BTK: variants seen among roughly 807,000 people sequenced by gnomAD.
BTK encodes tyrosine-protein kinase BTK.
BTK carries 5 observed loss-of-function variants against 57.4 expected under a neutral mutation model. That is an observed-to-expected ratio of 0.09 (90% confidence interval 0.05 to 0.18). BTK has a LOEUF of 0.18. BTK is among the 10% of genes least tolerant of loss of function. The pLI is 1.00. For missense variants in BTK, 194 were observed against 501.2 expected (o/e 0.39, Z 5.85); for synonymous variants, 154 against 174.3 (o/e 0.88, Z 0.92).
At chrX:101,378,538 C>T (rs1383256342) in intron 1 of BTK, among the ~76,000 whole-genome samples, 2 of 109,632 alleles carry the variant, frequency 1.8e-5, no homozygotes, top group African/African-American at 6.7e-5. Context: ...GACACACACA[C>T]ACACACACAC....
In BTK at chrX:101,363,710, A is replaced by AC. The variant is rs782760202; in HGVS notation, c.392-1022_392-1021insG. Among the ~76,000 whole-genome samples, 4 of 104,201 alleles carry AC rather than the reference A, an allele frequency of 3.8e-5. No individual in the cohort carries two copies. The South Asian group carries it at 1.2e-3, about 32-fold the overall frequency. 90.5% of individuals were successfully genotyped at this position (104,201 alleles called of 115,157 possible). ...GACAGTGTGAGACTCTGTCTCAACA[A>AC]AAAAAAAAAAAAAGAAAAGTCATCC... is the stretch of plus-strand genomic sequence containing the variant. On this transcript the variant is annotated intron_variant, in intron 5 of 18. Coordinates refer to ENST00000308731, the MANE Select transcript of BTK (RefSeq NM_000061.3).
chrX:101,353,848 C>G (rs370315801), intron 17 of BTK, 22 bp downstream of exon 17: 15 of 1,104,738 alleles, frequency 1.4e-5, no homozygotes, highest in Non-Finnish European at 1.9e-5. Context: ...GCTGTATAAT[C>G]TGTGTAATCT....
At chrX:101,376,484 G>A (rs1175378772) in intron 1 of BTK, among the ~76,000 whole-genome samples, 3 of 111,150 alleles carry the variant, frequency 2.7e-5, no homozygotes, top group African/African-American at 9.8e-5. Context: ...AAAAATAGCC[G>A]GGCGTAGTGG....
chrX:101,358,782 GAAC>G, intron 10 of BTK, 86 bp from the exon 11 acceptor site: 1 of 772,723 alleles, frequency 1.3e-6, no homozygotes, highest in Non-Finnish European at 2.0e-6. Flanking sequence ...AGAGAAAATA[GAAC>G]AACCCCTGAT....
At chrX:101,370,137 C>A in intron 4 of BTK, 58 bp from the exon 5 acceptor site, 1 of 895,997 alleles carries the variant, frequency 1.1e-6, no homozygotes. Context: ...GGAGAAAGAC[C>A]TTGAAAGTAC....
intron 3 of BTK, 38 bp from the exon 4 acceptor site, chrX:101,371,739 C>G: frequency 9.2e-7 from 1 of 1,092,159 alleles, no homozygotes; most frequent in Non-Finnish European, 1.3e-6. Context: ...TTGGTTGATG[C>G]ATTGCTCTTT....
At position 101,375,218 on chromosome X, in the gene BTK, G is replaced by A. The variant is rs1927169336; in HGVS notation, c.67C>T (p.Leu23=). The A allele has an allele frequency of 8.3e-7, 1 of 1,211,692 alleles. No individual in the cohort carries two copies. The highest frequency in any genetic ancestry group is 1.1e-6 in the Non-Finnish European group (1 of 895,385). ...AGAAACAGGCGCTTCTTGAAGTTTAGAGGTGATGTTTTCTTTTTCTGTTGG... is the reference window on the plus strand; with the variant it reads ...AGAAACAGGCGCTTCTTGAAGTTTAAAGGTGATGTTTTCTTTTTCTGTTGG... ...RSQQKKKTSP[L]NFKKRLFLLT... The change falls in exon 2 of 19, where the codon CTA becomes TTA. Residue 23 remains leucine (L), a synonymous_variant. Transcript: ENST00000308731.
At chrX:101,354,946 A>G (rs1211108949) in intron 15 of BTK, among the ~76,000 whole-genome samples, 1 of 112,249 alleles carries the variant, frequency 8.9e-6, no homozygotes, top group East Asian at 2.8e-4. Context: ...CTCATGGGCA[A>G]TTCCACACCA....
intron 1 of BTK, among the ~76,000 whole-genome samples, chrX:101,382,260 G>T (rs1374579464): frequency 1.8e-5 from 2 of 110,530 alleles, no homozygotes; most frequent in Non-Finnish European, 3.8e-5. Context: ...TCCTGCTGTA[G>T]TCATTTACAG....
At chrX:101,364,366 G>A (rs1418436882) in intron 5 of BTK, among the ~76,000 whole-genome samples, 13 of 100,265 alleles carry the variant, frequency 1.3e-4, no homozygotes, top group African/African-American at 4.5e-4. Flanking sequence ...CTGGGATGGC[G>A]CCATTGTGCT....
At chrX:101,357,628 T>C in intron 12 of BTK, 45 bp from the exon 13 acceptor site, 1 of 1,059,671 alleles carries the variant, frequency 9.4e-7, no homozygotes. Context: ...GTGTAGGAGG[T>C]GGGATGCCTC....
At chrX:101,374,694 G>T in intron 2 of BTK, 60 bp from the exon 3 acceptor site, 1 of 994,748 alleles carries the variant, frequency 1.0e-6, no homozygotes, top group South Asian at 1.9e-5. Flanking sequence ...GCAACCAGAT[G>T]ATTAGATTTT....
At chrX:101,363,440 G>T (rs1926732940) in intron 5 of BTK, among the ~76,000 whole-genome samples, 1 of 111,766 alleles carries the variant, frequency 8.9e-6, no homozygotes, top group Non-Finnish European at 1.9e-5. Flanking sequence ...AGAAAAGTTG[G>T]CCAGACGCGG....
intron 1 of BTK, among the ~76,000 whole-genome samples, chrX:101,381,490 T>C (rs1248541842): frequency 5.4e-5 from 6 of 111,935 alleles, no homozygotes; most frequent in African/African-American, 1.9e-4. Flanking sequence ...GAAGCATCCT[T>C]CACGTTCTAA....
chrX:101,360,263 T>A (rs1012602886), intron 8 of BTK, 113 bp from the exon 9 acceptor site: 23 of 579,305 alleles, frequency 4.0e-5, no homozygotes, highest in Non-Finnish European at 6.6e-5. Flanking sequence ...GGTATATGTA[T>A]CATGCACCTC....
At chrX:101,376,860 T>C (rs782634005) in intron 1 of BTK, among the ~76,000 whole-genome samples, 2 of 110,707 alleles carry the variant, frequency 1.8e-5, no homozygotes, top group African/African-American at 3.3e-5. Context: ...TTGCTCACAC[T>C]AGGAAAGCAA....
chrX:101,359,498 C>T lies in BTK; in HGVS notation c.840-151G>A, dbSNP rs948206117. 2.0e-5 allele frequency: 12 copies of T among 594,143 alleles called. No individual in the cohort carries two copies. The African/African-American group carries it at 2.6e-4, about 13-fold the overall frequency. 49.0% of individuals were successfully genotyped at this position (594,143 alleles called of 1,213,427 possible). On this transcript the variant is annotated intron_variant, in intron 9 of 18. Transcript: ENST00000308731. Reference sequence around the variant, plus strand: ...TGTCATGTGCATAGCACACTGTATCCCTTTCCCAAACCCAGGTTGGCATTG... The same window carrying T: ...TGTCATGTGCATAGCACACTGTATCTCTTTCCCAAACCCAGGTTGGCATTG...
chrX:101,374,760 G>GA (rs1411851203), intron 2 of BTK, 126 bp from the exon 3 acceptor site: 130 of 576,948 alleles, frequency 2.3e-4, no homozygotes, highest in Non-Finnish European at 2.8e-4. Flanking sequence ...TGTGGGGGAA[G>GA]AAAAAAAAAT....
chrX:101,349,673 A>C lies in BTK; in HGVS notation c.*212T>G. ...TCAGTCTGTCTTAATTCTCTCGGGA[A>C]ATTTCAGGCACAATAATTTCTTGGC... On this transcript the variant is annotated 3_prime_UTR_variant, in exon 19 of 19. Coordinates refer to ENST00000308731, the MANE Select transcript of BTK (RefSeq NM_000061.3). 2.3e-6 allele frequency: 1 copy of C among 434,041 alleles called. No homozygotes were observed. The highest frequency in any genetic ancestry group is 4.1e-6 in the Non-Finnish European group (1 of 246,606). 35.8% of individuals were successfully genotyped at this position (434,041 alleles called of 1,213,427 possible).
Sources: gnomAD v4.1 joint callset for allele counts (sites outside exome capture counted in the v4.1 genomes callset) on GRCh38, gnomAD v4.1.1 for gene constraint, MANE v1.5 for transcripts, NCBI Gene and HGNC (gene_info 2026-07-23, HGNC 2026-07-21) for gene names.